The following PLOD2 variants were observed in gnomAD, a reference collection of about 807,000 sequenced individuals.
PLOD2 encodes the protein lysine hydroxylase 2.
Under a neutral mutation model 101.0 loss-of-function variants are expected in PLOD2, and 65 were observed. The observed-to-expected ratio is 0.64, with a 90% confidence interval of 0.53 to 0.79. The LOEUF is 0.79. Among genes scored for constraint, PLOD2 ranks in the 30% least tolerant of loss-of-function variants. PLOD2 has a pLI of 0.00. For synonymous variants in PLOD2, 314 were observed against 302.9 expected (o/e 1.04, Z -0.38); for missense variants, 909 against 914.6 (o/e 0.99, Z 0.08).
At chr3:146,118,045 C>T (rs1937996694) in intron 3 of PLOD2, among the ~76,000 whole-genome samples, 1 of 152,206 alleles carries the variant, frequency 6.6e-6, no homozygotes, top group East Asian at 1.9e-4. Context: ...CATGTAGTAA[C>T]TCTTACAAGG....
At chr3:146,076,163 A>G (rs1408825720) in intron 15 of PLOD2, 3 of 151,726 alleles carry the variant, frequency 2.0e-5, no homozygotes, top group South Asian at 2.1e-4. Flanking sequence ...CAAGTACCCA[A>G]TGTTTAGCTC....
intron 1 of PLOD2, among the ~76,000 whole-genome samples, chr3:146,156,507 T>C (rs1445124227): frequency 2.0e-5 from 3 of 152,250 alleles, no homozygotes; most frequent in Admixed American, 6.5e-5. Flanking sequence ...TATTCTCCTT[T>C]TGATATTTTT....
chr3:146,106,139 C>T (rs1367992431), intron 5 of PLOD2, among the ~76,000 whole-genome samples: 1 of 152,162 alleles, frequency 6.6e-6, no homozygotes, highest in Non-Finnish European at 1.5e-5. Context: ...TTTAAGGCAG[C>T]CTAAGTGAGT....
chr3:146,082,667 C>T (rs1030443667), intron 11 of PLOD2, among the ~76,000 whole-genome samples: 11 of 151,950 alleles, frequency 7.2e-5, no homozygotes, highest in South Asian at 2.1e-4. Context: ...CCGAGGCGGG[C>T]GGATCACAAG....
chr3:146,135,604 G>A (rs1054551971), intron 1 of PLOD2, among the ~76,000 whole-genome samples: 2 of 152,172 alleles, frequency 1.3e-5, no homozygotes, highest in African/African-American at 2.4e-5. Flanking sequence ...ACTAGGTGAC[G>A]TAGAAAGTGA....
At chr3:146,148,673 A>G (rs1296721327) in intron 1 of PLOD2, among the ~76,000 whole-genome samples, 2 of 152,194 alleles carry the variant, frequency 1.3e-5, no homozygotes, top group Non-Finnish European at 2.9e-5. Context: ...CAATAATTCA[A>G]AGCACAACAG....
In PLOD2 at chr3:146,076,870, C is replaced by G; in HGVS notation, c.1589G>C (p.Arg530Thr). The G allele has an allele frequency of 6.4e-7, 1 of 1,568,666 alleles. No individual in the cohort carries two copies. Among genetic ancestry groups the G allele is most frequent in the Non-Finnish European group, 8.8e-7 (1 of 1,140,124 alleles). ...GGATAATAGCCTTCCAAATTCATGT[C>G]TATTAGAAATGTACATAAATACACC... The part of the protein sequence containing the change: ...PKGVFMYISN[R>T]HEFGRLLSTA... Residue 530 changes from arginine (R) to threonine (T), a missense_variant, in exon 15 of 20, where the codon AGA (arginine) becomes ACA (threonine). By Grantham distance (71) the Arg-to-Thr change is moderately conservative. Transcript: ENST00000282903.
chr3:146,110,162 TATACTAATAATAAA>T (rs1459371659), intron 4 of PLOD2, 109 bp downstream of exon 4: 17 of 816,444 alleles, frequency 2.1e-5, no homozygotes, highest in Non-Finnish European at 3.1e-5. Context: ...GCTTTGTCAA[TATACTAATAATAAA>T]ATAAGGGTTA....
chr3:146,124,267 G>T, intron 1 of PLOD2, 38 bp from the exon 2 acceptor site: 1 of 1,102,764 alleles, frequency 9.1e-7, no homozygotes, highest in South Asian at 1.2e-5. Flanking sequence ...GGTTTACCAA[G>T]ATATCAAATG....
At chr3:146,103,406 C>A (rs1163815788) in intron 6 of PLOD2, among the ~76,000 whole-genome samples, 1 of 151,822 alleles carries the variant, frequency 6.6e-6, no homozygotes, top group African/African-American at 2.4e-5. Context: ...AGGAGCAGAG[C>A]CATCGTCTTA....
intron 1 of PLOD2, among the ~76,000 whole-genome samples, chr3:146,133,635 A>C (rs1278193955): frequency 6.6e-6 from 1 of 152,196 alleles, no homozygotes; most frequent in African/African-American, 2.4e-5. Context: ...ATGAAATGAA[A>C]GGGCTGGATT....
chr3:146,079,199 G>C lies in PLOD2; in HGVS notation c.1417C>G (p.Arg473Gly), dbSNP rs750664256. 1.2e-6 allele frequency: 2 copies of C among 1,610,192 alleles called. No homozygotes were observed. Among genetic ancestry groups the C allele is most frequent in the East Asian group, 2.2e-5 (1 of 44,798 alleles). Residue 473 changes from arginine (R) to glycine (G), a missense_variant, in exon 13 of 20, where the codon CGA becomes GGA. Physicochemically the swap from Arg to Gly is moderately radical, Grantham distance 125 (BLOSUM62 -2). Coordinates refer to ENST00000282903, the MANE Select transcript of PLOD2 (RefSeq NM_182943.3). ...TAGTTCCTTTCATTCATCTCTGATCGGAGTGTCTTTCCTTTAATTAAGTAC... is the reference window on the plus strand; with the variant it reads ...TAGTTCCTTTCATTCATCTCTGATCCGAGTGTCTTTCCTTTAATTAAGTAC... Reference protein sequence around the residue: ...NVYLIKGKTLRSEMNERNYFV... With the variant: ...NVYLIKGKTLGSEMNERNYFV...
intron 1 of PLOD2, among the ~76,000 whole-genome samples, chr3:146,157,088 T>C (rs1298822949): frequency 6.6e-6 from 1 of 152,098 alleles, no homozygotes; most frequent in Non-Finnish European, 1.5e-5. Flanking sequence ...ATGTAGCATA[T>C]GGGTTCCCAA....
At chr3:146,142,368 C>G (rs1468254550) in intron 1 of PLOD2, among the ~76,000 whole-genome samples, 2 of 152,046 alleles carry the variant, frequency 1.3e-5, no homozygotes, top group African/African-American at 4.8e-5. Flanking sequence ...CACCATCCAG[C>G]TGTATGAATC....
chr3:146,085,576 C>T, intron 10 of PLOD2: 3 of 409,826 alleles, frequency 7.3e-6, no homozygotes, highest in Non-Finnish European at 1.3e-5. Flanking sequence ...TGCATACATA[C>T]ATACATACAT....
intron 4 of PLOD2, 115 bp downstream of exon 4, chr3:146,110,170 T>C: frequency 1.2e-6 from 1 of 869,194 alleles, no homozygotes; most frequent in South Asian, 1.4e-5. Context: ...AATATACTAA[T>C]AATAAAATAA....
chr3:146,084,152 C>T (rs1936675965), intron 11 of PLOD2, among the ~76,000 whole-genome samples: 1 of 152,058 alleles, frequency 6.6e-6, no homozygotes. Context: ...TACACTATTT[C>T]ATATCTCTAG....
chr3:146,131,937 A>ATTTC (rs2030935597), intron 1 of PLOD2, among the ~76,000 whole-genome samples: 1 of 152,196 alleles, frequency 6.6e-6, no homozygotes, highest in Non-Finnish European at 1.5e-5. Context: ...ACAAGAAAAA[A>ATTTC]AAAACCTAAA....
chr3:146,132,783 AC>A (rs2108111721), intron 1 of PLOD2, among the ~76,000 whole-genome samples: 1 of 152,328 alleles, frequency 6.6e-6, no homozygotes, highest in Admixed American at 6.5e-5. Context: ...AAGCTTCAAG[AC>A]ATTTTTTAAA....
Sources: gnomAD v4.1 joint callset for allele counts (sites outside exome capture counted in the v4.1 genomes callset) on GRCh38, gnomAD v4.1.1 for gene constraint, MANE v1.5 for transcripts, NCBI Gene and HGNC (gene_info 2026-07-23, HGNC 2026-07-21) for gene names.